The following TNRC6A variants were observed in gnomAD, a reference collection of about 807,000 sequenced individuals.
TNRC6A encodes the protein trinucleotide repeat-containing gene 6A protein.
Under a neutral mutation model 221.2 loss-of-function variants are expected in TNRC6A, and 44 were observed. The ratio of observed to expected loss-of-function variants is 0.20; its 90% confidence interval spans 0.16 to 0.26. The LOEUF (loss-of-function observed/expected upper bound fraction) is 0.26. TNRC6A is among the 10% of genes least tolerant of loss of function. The pLI is 1.00. For synonymous variants in TNRC6A, 847 were observed against 838.5 expected (o/e 1.01, Z -0.18); for missense variants, 2,199 against 2,404.4 (o/e 0.91, Z 1.79).
intron 5 of TNRC6A, among the ~76,000 whole-genome samples, chr16:24,778,651 G>T (rs1000990452): frequency 1.3e-5 from 2 of 152,080 alleles, no homozygotes; most frequent in East Asian, 3.9e-4. Flanking sequence ...AGGCTGCTGT[G>T]TAGACTTAAT....
chr16:24,732,818 C>T (rs2056675715), intron 2 of TNRC6A, among the ~76,000 whole-genome samples: 1 of 152,154 alleles, frequency 6.6e-6, no homozygotes, highest in African/African-American at 2.4e-5. Flanking sequence ...TGCTAGATGT[C>T]CCTGGGAGTG....
At chr16:24,625,732 CAAAACAAAAAAA>C (rs1195149525) in intron 1 of TNRC6A, among the ~76,000 whole-genome samples, 8 of 78,522 alleles carry the variant, frequency 1.0e-4, no homozygotes, top group Non-Finnish European at 1.0e-4. Context: ...GACTCCGTCT[CAAAACAAAAAAA>C]AAAAAAAAAA....
Position 24,789,420 on chromosome 16 carries a change from T to C in TNRC6A, c.778T>C (p.Ser260Pro), listed in dbSNP as rs772060978. 1 of 1,614,194 alleles carries C rather than the reference T, an allele frequency of 6.2e-7. No homozygotes were observed. The highest frequency in any genetic ancestry group is 1.1e-5 in the South Asian group (1 of 91,084). Residue 260 changes from serine (S) to proline (P), a missense_variant, in exon 6 of 25, where the codon TCC becomes CCC. By Grantham distance (74) the Ser-to-Pro change is moderately conservative. Transcript: ENST00000395799. ...ASECMDADSA[S>P]SSESERNITI... is the part of the protein sequence containing the mutation. ...AGAATGTATGGATGCTGATTCTGCC[T>C]CCAGTTCTGAATCAGAGAGAAACAT... is the stretch of plus-strand genomic sequence containing the variant.
chr16:24,689,002 G>T (rs1596496831), intron 2 of TNRC6A, among the ~76,000 whole-genome samples: 1 of 152,128 alleles, frequency 6.6e-6, no homozygotes, highest in African/African-American at 2.4e-5. Context: ...GGAGTTCGGG[G>T]CTGTCATGGT....
chr16:24,730,846 G>T (rs1462616026), intron 2 of TNRC6A, among the ~76,000 whole-genome samples: 1 of 141,168 alleles, frequency 7.1e-6, no homozygotes, highest in Non-Finnish European at 1.5e-5. Context: ...GTTTTCCTTC[G>T]AAACTCCATT....
Position 24,826,139 on chromosome 16 carries a change from A to G in TNRC6A, c.*2332A>G, listed in dbSNP as rs576336798. 1 of 152,798 alleles carries G rather than the reference A, an allele frequency of 6.5e-6. No individual in the cohort carries two copies. Among genetic ancestry groups the G allele is most frequent in the African/African-American group, 2.4e-5 (1 of 41,590 alleles). The allele number at this position is 152,798 out of a possible 1,614,324, so 9.5% of individuals were successfully genotyped here. A position where few individuals can be genotyped will look rare whatever the true frequency, so the allele number is the denominator to read the frequency against. ...TGGGGCTTTGAGTAGTATATAATTCATAACTGCGTTAATTGTATTGTTAAA... is the reference window on the plus strand; with the variant it reads ...TGGGGCTTTGAGTAGTATATAATTCGTAACTGCGTTAATTGTATTGTTAAA... On this transcript the variant is annotated 3_prime_UTR_variant, in exon 25 of 25. Transcript: ENST00000395799.
intron 4 of TNRC6A, among the ~76,000 whole-genome samples, chr16:24,765,233 C>G (rs1412897563): frequency 6.6e-6 from 1 of 152,180 alleles, no homozygotes. Flanking sequence ...GGTTACTGTA[C>G]TGCCTGGATT....
chr16:24,660,064 T>C (rs945807915), intron 2 of TNRC6A, among the ~76,000 whole-genome samples: 1 of 152,134 alleles, frequency 6.6e-6, no homozygotes, highest in African/African-American at 2.4e-5. Flanking sequence ...GCCATTTTAT[T>C]TTATTTTATT....
intron 2 of TNRC6A, among the ~76,000 whole-genome samples, chr16:24,734,938 T>C (rs986469927): frequency 2.0e-5 from 3 of 152,232 alleles, no homozygotes; most frequent in Non-Finnish European, 4.4e-5. Flanking sequence ...GCATCTAAAC[T>C]GGGACACTTA....
intron 2 of TNRC6A, among the ~76,000 whole-genome samples, chr16:24,675,054 G>A (rs2055380615): frequency 2.0e-5 from 3 of 152,116 alleles, no homozygotes. Flanking sequence ...GCTGAGGTGG[G>A]AGGATTGCTT....
In TNRC6A at chr16:24,822,152, G is replaced by A; in HGVS notation, c.5373+5G>A. ...CTAAAAAACCTTACACCTCAGGTAA[G>A]GATACCAGATACGCTGGTTTATGTG... On this transcript the variant is annotated splice_donor_5th_base_variant and intron_variant, in intron 23 of 24. Coordinates refer to ENST00000395799, the MANE Select transcript of TNRC6A (RefSeq NM_014494.4). The A allele has an allele frequency of 1.2e-6, 2 of 1,613,978 alleles. No homozygotes were observed. The highest frequency in any genetic ancestry group is 1.7e-6 in the Non-Finnish European group (2 of 1,179,870).
intron 1 of TNRC6A, among the ~76,000 whole-genome samples, chr16:24,620,756 C>T (rs924794906): frequency 1.3e-5 from 2 of 151,588 alleles, no homozygotes; most frequent in Admixed American, 6.6e-5. Flanking sequence ...TGCAGTGAGC[C>T]GAGATCGTGC....
Position 24,823,366 on chromosome 16 carries a change from C to T in TNRC6A, c.5514-66C>T. The T allele has an allele frequency of 6.5e-7, 1 of 1,536,262 alleles. No individual in the cohort carries two copies. The highest frequency in any genetic ancestry group is 8.8e-7 in the Non-Finnish European group (1 of 1,140,868). On this transcript the variant is annotated intron_variant, in intron 24 of 24. Transcript: ENST00000395799. This position sits in a 1 kb window ranked among gnomAD's most constrained non-coding sequence, Gnocchi z 4.3. ...CTAGCAGAGACAAGTTGCACCCTCA[C>T]TTGTGAGTGAATGAAGCCCTCCTGG...
At chr16:24,729,972 G>A in intron 1 of TNRC6A, 126 bp downstream of exon 1, 3 of 884,898 alleles carry the variant, frequency 3.4e-6, no homozygotes, top group Non-Finnish European at 2.9e-6. Flanking sequence ...GGCCTCGGCG[G>A]GAGGGCGCAG....
chr16:24,751,772 T>C (rs1253385663), intron 3 of TNRC6A, among the ~76,000 whole-genome samples: 4 of 152,128 alleles, frequency 2.6e-5, no homozygotes, highest in African/African-American at 9.7e-5. Flanking sequence ...CATTATTTAA[T>C]AGGGGAAAAC....
chr16:24,730,239 T>C lies in TNRC6A; in HGVS notation c.6-14T>C. 3 of 1,599,782 alleles carry C rather than the reference T, an allele frequency of 1.9e-6. No individual in the cohort carries two copies. Among genetic ancestry groups the C allele is most frequent in the East Asian group, 4.6e-5 (2 of 43,718 alleles). On this transcript the variant is annotated splice_polypyrimidine_tract_variant and intron_variant, in intron 1 of 24. Coordinates refer to ENST00000395799, the MANE Select transcript of TNRC6A (RefSeq NM_014494.4). ...TGTTTTTGTTTTGTTTTTGTTTTTG[T>C]TTTTTTGTTTCAGAGAATTGGAAGC...
intron 1 of TNRC6A, among the ~76,000 whole-genome samples, chr16:24,629,772 A>G (rs1171711868): frequency 6.6e-6 from 1 of 152,106 alleles, no homozygotes. Flanking sequence ...TGAGTCCAGG[A>G]GTTTGAGACC....
chr16:24,825,370 A>G lies in TNRC6A; in HGVS notation c.*1563A>G, dbSNP rs2058846548. 1 of 152,686 alleles carries G rather than the reference A, an allele frequency of 6.5e-6. No individual in the cohort carries two copies. The highest frequency in any genetic ancestry group is 2.4e-5 in the African/African-American group (1 of 41,474). The allele number at this position is 152,686 out of a possible 1,614,324, so 9.5% of individuals were successfully genotyped here. The stretch of plus-strand genomic sequence containing the variant: ...CAGTGGCTTTTAACTGTTTACAAAT[A>G]GAATGTGATTGTAAAATGTACAGTT... On this transcript the variant is annotated 3_prime_UTR_variant, in exon 25 of 25. Coordinates refer to ENST00000395799, the MANE Select transcript of TNRC6A (RefSeq NM_014494.4).
At chr16:24,731,151 C>G (rs2056630797) in intron 2 of TNRC6A, among the ~76,000 whole-genome samples, 1 of 152,096 alleles carries the variant, frequency 6.6e-6, no homozygotes, top group Non-Finnish European at 1.5e-5. Context: ...CATATTGGGA[C>G]ACTCAGGGAA....
Sources: gnomAD v4.1 joint callset for allele counts (sites outside exome capture counted in the v4.1 genomes callset) on GRCh38, gnomAD v4.1.1 for gene constraint, Gnocchi (gnomAD v3.1) non-coding constraint, MANE v1.5 for transcripts, NCBI Gene and HGNC (gene_info 2026-07-23, HGNC 2026-07-21) for gene names.